Variants in CCDC13 observed in about 807,000 individuals in gnomAD.
CCDC13 encodes the protein coiled-coil domain containing 13, also known as coiled-coil domain-containing protein 13.
A neutral mutation model predicts 87.3 loss-of-function variants in CCDC13; 70 were observed. The observed-to-expected ratio is 0.80, with a 90% CI of 0.66 to 0.98. The LOEUF (loss-of-function observed/expected upper bound fraction) is 0.98. Ranked by LOEUF, CCDC13 falls within the 50% of genes least tolerant of loss-of-function variation. CCDC13 has a pLI of 0.00. For missense variants in CCDC13, 842 were observed against 892.0 expected (o/e 0.94, Z 0.71); for synonymous variants, 317 against 360.3 (o/e 0.88, Z 1.36).
Position 42,742,984 on chromosome 3 carries a change from A to C in CCDC13, c.899T>G (p.Val300Gly). ...SAGTASDELS[V>G]YPDPRKLSAQ... The stretch of plus-strand genomic sequence containing the variant: ...CGACAGCTTCCTTGGGTCTGGATAG[A>C]CAGACAACTCATCACTGGCTGTTCC... The change falls in exon 8 of 16, where the codon GTC (valine) becomes GGC (glycine). Residue 300 changes from valine (V) to glycine (G), a missense_variant. Transcript: ENST00000310232. The C allele has an allele frequency of 6.2e-7, 1 of 1,614,136 alleles. No homozygotes were observed. Among genetic ancestry groups the C allele is most frequent in the Non-Finnish European group, 8.5e-7 (1 of 1,180,018 alleles).
Position 42,752,018 on chromosome 3 carries a change from G to A in CCDC13, c.521C>T (p.Thr174Ile). 6.2e-7 allele frequency: 1 copy of A among 1,605,916 alleles called. No homozygotes were observed. The change falls in exon 5 of 16, where the codon ACA becomes ATA. Residue 174 changes from threonine (T) to isoleucine (I), a missense_variant. Physicochemically the swap from Thr to Ile is moderately conservative, Grantham distance 89. Coordinates refer to ENST00000310232, the MANE Select transcript of CCDC13 (RefSeq NM_144719.4). The part of the protein sequence containing the change: ...RIQELERELQ[T>I]ALTRLSAKGA... Reference sequence around the variant, plus strand: ...CTTGGCTGACAGCCTGGTCAGGGCTGTCTGCAGCTGAAAAAGCAAACCTCG... The same window carrying A: ...CTTGGCTGACAGCCTGGTCAGGGCTATCTGCAGCTGAAAAAGCAAACCTCG...
chr3:42,719,388 TCTC>T (rs755079635), intron 13 of CCDC13: 3,373 of 144,228 alleles, frequency 0.023, 72 homozygotes, highest in East Asian at 0.08. Flanking sequence ...CTTTCCTCTC[TCTC>T]TCTCTCTCTC....
chr3:42,738,453 C>T (rs1230280782), intron 9 of CCDC13, among the ~76,000 whole-genome samples: 4 of 152,150 alleles, frequency 2.6e-5, no homozygotes, highest in African/African-American at 4.8e-5. Context: ...TGAAGAAAGT[C>T]ATTGGTAGCT....
chr3:42,756,975 C>G (rs1369406727), intron 3 of CCDC13, 91 bp downstream of exon 3: 16 of 1,302,218 alleles, frequency 1.2e-5, no homozygotes, highest in Non-Finnish European at 2.2e-6. Context: ...TTGGCACTCT[C>G]TTGGGAATCT....
At chr3:42,719,605 C>A (rs987484296) in intron 13 of CCDC13, 7 of 150,220 alleles carry the variant, frequency 4.7e-5, no homozygotes, top group African/African-American at 1.7e-4. Flanking sequence ...CACCCATAAG[C>A]CTGCTTTTCA....
chr3:42,771,227 T>G (rs1041205552), intron 1 of CCDC13: 1 of 152,188 alleles, frequency 6.6e-6, no homozygotes, highest in Non-Finnish European at 1.5e-5. Context: ...TGCTGTATAA[T>G]TGCAAACTGT....
intron 5 of CCDC13, among the ~76,000 whole-genome samples, chr3:42,751,666 C>T (rs1053775514): frequency 2.0e-5 from 3 of 152,262 alleles, no homozygotes; most frequent in African/African-American, 7.2e-5. Flanking sequence ...TCTCAGGCTC[C>T]TCCCAGCCTT....
At chr3:42,704,266 GACA>G (rs1403174511), downstream of CCDC13, 1 of 152,238 alleles carries the variant, frequency 6.6e-6, no homozygotes, top group African/African-American at 2.4e-5. Flanking sequence ...CTGCAGGGGC[GACA>G]ACCCCGTGCA....
At chr3:42,737,205 T>C (rs1699054861) in intron 9 of CCDC13, among the ~76,000 whole-genome samples, 1 of 152,086 alleles carries the variant, frequency 6.6e-6, no homozygotes, top group African/African-American at 2.4e-5. Flanking sequence ...AGAATGATGG[T>C]TTCCAGCTTC....
At chr3:42,760,925 T>C (rs1699819285) in intron 1 of CCDC13, among the ~76,000 whole-genome samples, 1 of 152,206 alleles carries the variant, frequency 6.6e-6, no homozygotes, top group Non-Finnish European at 1.5e-5. Flanking sequence ...ATGTGTCTAT[T>C]CACATTTTTT....
intron 2 of CCDC13, among the ~76,000 whole-genome samples, 168 bp from the exon 3 acceptor site, chr3:42,757,382 T>TA (rs530211337): frequency 3.3e-4 from 51 of 152,282 alleles, no homozygotes; most frequent in Admixed American, 1.1e-3. Flanking sequence ...TAGGGAGTTA[T>TA]AAAAAAACCC....
At chr3:42,721,902 G>A (rs1396268531) in intron 13 of CCDC13, among the ~76,000 whole-genome samples, 1 of 152,162 alleles carries the variant, frequency 6.6e-6, no homozygotes, top group African/African-American at 2.4e-5. Flanking sequence ...ACGAGGGATG[G>A]GTCATGTGAA....
At position 42,772,267 on chromosome 3, in the gene CCDC13, C is replaced by CA. The variant is rs869064282; in HGVS notation, c.-7+908dup. On this transcript the variant is annotated intron_variant, in intron 1 of 15. Coordinates refer to ENST00000310232, the MANE Select transcript of CCDC13 (RefSeq NM_144719.4). ...CCTGGGCGATAGAGCGAGACTCCGTCAAAAAAAAAAAAAAAAAAAAAAAGT... is the reference window on the plus strand; with the variant it reads ...CCTGGGCGATAGAGCGAGACTCCGTCAAAAAAAAAAAAAAAAAAAAAAAAGT... Among the ~76,000 whole-genome samples the CA allele has an allele frequency of 2.2e-3, 256 of 113,846 alleles. 1 individual carries two copies. Among genetic ancestry groups the CA allele is most frequent in the African/African-American group, 7.9e-3 (232 of 29,224 alleles). 74.7% of individuals were successfully genotyped at this position (113,846 alleles called of 152,430 possible). A position where few individuals can be genotyped will look rare whatever the true frequency, so the allele number is the denominator to read the frequency against.
chr3:42,735,801 C>T lies in CCDC13; in HGVS notation c.1277G>A (p.Ser426Asn). The change falls in exon 10 of 16, where the codon AGC (serine) becomes AAC (asparagine). Residue 426 changes from serine to asparagine, a missense_variant. Physicochemically the swap from Ser to Asn is conservative, Grantham distance 46. Transcript: ENST00000310232. ...CTGCAGCTGGGCGACTAGGCTGTTG[C>T]TCCGCTGAGCCTCGCTGTTCAGTTG... ...DQQLNSEAQR[S>N]NSLVAQLQAM... 6.2e-7 allele frequency: 1 copy of T among 1,614,234 alleles called. No individual in the cohort carries two copies. The highest frequency in any genetic ancestry group is 8.5e-7 in the Non-Finnish European group (1 of 1,180,042).
chr3:42,762,356 T>C (rs1026391428), intron 1 of CCDC13, among the ~76,000 whole-genome samples: 1 of 152,234 alleles, frequency 6.6e-6, no homozygotes, highest in Non-Finnish European at 1.5e-5. Flanking sequence ...TAAGAGAGAA[T>C]CTCTGAGCCC....
rs79310087 is a variant in CCDC13 at position 42,757,327 on chromosome 3, C to A, written c.222-113G>T. The A allele has an allele frequency of 3.8e-3, 3,731 of 990,678 alleles. 78 individuals carry two copies. In the African/African-American group the frequency reaches 0.053, roughly 14 times the overall value. 61.4% of individuals were successfully genotyped at this position (990,678 alleles called of 1,614,324 possible). On this transcript the variant is annotated intron_variant, in intron 2 of 15. Coordinates refer to ENST00000310232, the MANE Select transcript of CCDC13 (RefSeq NM_144719.4). ...GGACACGCAGATGCAGACACACTGA[C>A]GTGAAAGAAGAAAGATTTCAATGTC... is the stretch of plus-strand genomic sequence containing the variant.
chr3:42,759,450 GCCAATC>G (rs1174318676), intron 1 of CCDC13, among the ~76,000 whole-genome samples: 1 of 152,078 alleles, frequency 6.6e-6, no homozygotes, highest in Non-Finnish European at 1.5e-5. Flanking sequence ...TCAATTTCCA[GCCAATC>G]CCAATCCCAA....
intron 12 of CCDC13, among the ~76,000 whole-genome samples, chr3:42,731,153 C>T (rs1340307884): frequency 6.6e-6 from 1 of 152,012 alleles, no homozygotes; most frequent in African/African-American, 2.4e-5. Context: ...TAAACTCTGC[C>T]CCCCAACTTC....
intron 1 of CCDC13, among the ~76,000 whole-genome samples, chr3:42,765,920 G>A (rs1325772830): frequency 6.6e-6 from 1 of 152,218 alleles, no homozygotes; most frequent in African/African-American, 2.4e-5. Context: ...TTATCCTGAG[G>A]CGCTGGAGAT....
Sources: gnomAD v4.1 joint callset for allele counts (sites outside exome capture counted in the v4.1 genomes callset) on GRCh38, gnomAD v4.1.1 for gene constraint, MANE v1.5 for transcripts, NCBI Gene and HGNC (gene_info 2026-07-23, HGNC 2026-07-21) for gene names.